Variants in NPAS3 observed in about 807,000 individuals in gnomAD.
NPAS3 encodes neuronal PAS domain protein 3.
Under a neutral mutation model 73.1 loss-of-function variants are expected in NPAS3, and 14 were observed. That is an observed-to-expected ratio of 0.19 (90% confidence interval 0.13 to 0.30). NPAS3 has a LOEUF of 0.30. NPAS3 is among the 10% of genes least tolerant of loss of function. NPAS3 has a pLI of 1.00. For synonymous variants in NPAS3, 620 were observed against 541.5 expected (o/e 1.14, Z -2.01); for missense variants, 1,096 against 1,250.0 (o/e 0.88, Z 1.86).
intron 4 of NPAS3, among the ~76,000 whole-genome samples, chr14:33,511,038 G>A (rs2053025431): frequency 6.6e-6 from 1 of 151,952 alleles, no homozygotes; most frequent in Admixed American, 6.6e-5. Flanking sequence ...GGTGTTGAGT[G>A]GATAATTTAC....
chr14:32,935,938 GA>G (rs958004860), upstream of NPAS3, among the ~76,000 whole-genome samples: 1 of 152,114 alleles, frequency 6.6e-6, no homozygotes, highest in African/African-American at 2.4e-5. Flanking sequence ...AAAGATGGAA[GA>G]AAAAAGAACA....
chr14:33,614,570 G>C (rs571654074), intron 5 of NPAS3, among the ~76,000 whole-genome samples: 3 of 152,140 alleles, frequency 2.0e-5, no homozygotes, highest in Non-Finnish European at 4.4e-5. Context: ...AATCAGCCTC[G>C]TTCAAAAACC....
intron 1 of NPAS3, among the ~76,000 whole-genome samples, chr14:32,999,098 G>A (rs1353479951): frequency 6.6e-5 from 10 of 152,154 alleles, no homozygotes; most frequent in Admixed American, 6.5e-4. Flanking sequence ...TTTTTGAATA[G>A]CAATTTTTGC....
chr14:33,376,493 G>A (rs936949610), intron 4 of NPAS3, among the ~76,000 whole-genome samples: 1 of 152,074 alleles, frequency 6.6e-6, no homozygotes, highest in Non-Finnish European at 1.5e-5. Context: ...TATTCAGAGT[G>A]TAAAATTTGA....
chr14:33,700,958 A>C lies in NPAS3; in HGVS notation c.733+24573A>C, dbSNP rs960836040. On this transcript the variant is annotated intron_variant, in intron 6 of 11. Transcript: ENST00000356141. ...TAGGTTCTGGAGGAAAAAGAGATAC[A>C]AATGAATACAATTACATTCCTGACT... Among the ~76,000 whole-genome samples the C allele has an allele frequency of 3.9e-5, 6 of 152,362 alleles. No individual in the cohort carries two copies. In the East Asian group the frequency reaches 1.2e-3, roughly 29 times the overall value.
chr14:33,461,479 A>G (rs972205582), intron 4 of NPAS3, among the ~76,000 whole-genome samples: 2 of 152,250 alleles, frequency 1.3e-5, no homozygotes, highest in African/African-American at 4.8e-5. Context: ...GATAGACAGT[A>G]TGGGTCAAAC....
At chr14:33,343,704 G>A (rs1214450865) in intron 3 of NPAS3, among the ~76,000 whole-genome samples, 1 of 152,130 alleles carries the variant, frequency 6.6e-6, no homozygotes, top group Non-Finnish European at 1.5e-5. Flanking sequence ...AAATCTACCA[G>A]GTATATCATT....
At chr14:32,956,993 A>G (rs1445353356) in intron 1 of NPAS3, among the ~76,000 whole-genome samples, 1 of 152,204 alleles carries the variant, frequency 6.6e-6, no homozygotes, top group African/African-American at 2.4e-5. Flanking sequence ...TCCACAAACC[A>G]ATATAACCAT....
intron 1 of NPAS3, among the ~76,000 whole-genome samples, chr14:32,961,703 C>G (rs1345011244): frequency 6.6e-6 from 1 of 152,130 alleles, no homozygotes; most frequent in African/African-American, 2.4e-5. Context: ...ATGCTGAGAG[C>G]TTTACATACA....
intron 4 of NPAS3, among the ~76,000 whole-genome samples, chr14:33,376,271 T>A (rs2140458292): frequency 6.6e-6 from 1 of 152,252 alleles, no homozygotes; most frequent in East Asian, 1.9e-4. Flanking sequence ...TATTATATAG[T>A]TGTAAAAAAA....
At chr14:33,208,630 C>G (rs2046919520) in intron 2 of NPAS3, among the ~76,000 whole-genome samples, 1 of 152,044 alleles carries the variant, frequency 6.6e-6, no homozygotes, top group African/African-American at 2.4e-5. Flanking sequence ...TTTAAGCAAT[C>G]AATTTCATAT....
chr14:33,149,388 A>G (rs1450638611), intron 2 of NPAS3, among the ~76,000 whole-genome samples: 1 of 152,238 alleles, frequency 6.6e-6, no homozygotes, highest in African/African-American at 2.4e-5. Flanking sequence ...AAACTTCTGT[A>G]TCAGTCAAGG....
intron 1 of NPAS3, among the ~76,000 whole-genome samples, chr14:33,028,294 T>C (rs971144810): frequency 2.6e-5 from 4 of 152,246 alleles, no homozygotes; most frequent in African/African-American, 4.8e-5. Context: ...GTGTCATTCA[T>C]TGACATTTTA....
At chr14:32,988,262 T>C (rs1357016611) in intron 1 of NPAS3, among the ~76,000 whole-genome samples, 9 of 152,146 alleles carry the variant, frequency 5.9e-5, no homozygotes, top group Admixed American at 5.9e-4. Flanking sequence ...AAATGATTAT[T>C]TTTGCCCTCT....
intron 4 of NPAS3, among the ~76,000 whole-genome samples, chr14:33,449,821 G>A (rs1167724993): frequency 6.6e-6 from 1 of 152,060 alleles, no homozygotes; most frequent in Non-Finnish European, 1.5e-5. Context: ...ATGTTGTCTT[G>A]TAACCATATT....
chr14:33,052,951 A>G (rs2040761483), intron 1 of NPAS3, among the ~76,000 whole-genome samples: 1 of 152,122 alleles, frequency 6.6e-6, no homozygotes, highest in South Asian at 2.1e-4. Flanking sequence ...TAAGCTTGTC[A>G]TGCATCAAAC....
At chr14:33,460,504 G>A (rs936072792) in intron 4 of NPAS3, among the ~76,000 whole-genome samples, 3 of 152,156 alleles carry the variant, frequency 2.0e-5, no homozygotes, top group Non-Finnish European at 4.4e-5. Flanking sequence ...TTATGTCCCT[G>A]AAGCTGTGAC....
intron 5 of NPAS3, among the ~76,000 whole-genome samples, chr14:33,657,751 A>G (rs2059187151): frequency 1.3e-5 from 2 of 152,012 alleles, no homozygotes; most frequent in Admixed American, 6.6e-5. Context: ...TTCACATAAA[A>G]TTGTTCAAAT....
At chr14:33,727,631 G>A (rs529415362) in intron 6 of NPAS3, among the ~76,000 whole-genome samples, 49 of 151,442 alleles carry the variant, frequency 3.2e-4, no homozygotes, top group Non-Finnish European at 6.8e-4. Flanking sequence ...AAAAGAAAAA[G>A]AAAAAGAAGG....
Sources: allele counts gnomAD v4.1 joint callset (sites outside exome capture counted in the v4.1 genomes callset), GRCh38; gene constraint gnomAD v4.1.1; transcripts MANE v1.5; gene names NCBI Gene and HGNC (gene_info 2026-07-23, HGNC 2026-07-21).